Variants in DOCK10 observed in about 807,000 individuals in gnomAD.
DOCK10 encodes the protein dedicator of cytokinesis protein 10.
In DOCK10, 145 loss-of-function variants were observed where a neutral mutation model predicts 280.1. The ratio of observed to expected loss-of-function variants is 0.52; its 90% CI spans 0.45 to 0.59. The LOEUF is 0.59. DOCK10 is among the 20% of genes least tolerant of loss of function. The pLI, the probability that DOCK10 is intolerant of heterozygous loss-of-function variation, is 0.00. For synonymous variants in DOCK10, 915 were observed against 942.2 expected (o/e 0.97, Z 0.53); for missense variants, 2,368 against 2,651.7 (o/e 0.89, Z 2.35).
chr2:224,833,311 T>C (rs1695364415), intron 26 of DOCK10, among the ~76,000 whole-genome samples: 1 of 151,856 alleles, frequency 6.6e-6, no homozygotes, highest in South Asian at 2.1e-4. Flanking sequence ...GACTTCATCG[T>C]CCATCTTTTT....
intron 53 of DOCK10, among the ~76,000 whole-genome samples, chr2:224,771,084 C>G (rs1690411162): frequency 6.6e-6 from 1 of 152,022 alleles, no homozygotes; most frequent in African/African-American, 2.4e-5. Flanking sequence ...GTGTTTACTA[C>G]CATGCCTGGC....
chr2:224,987,820 C>A (rs2126265425), intron 1 of DOCK10, among the ~76,000 whole-genome samples: 1 of 152,246 alleles, frequency 6.6e-6, no homozygotes, highest in Admixed American at 6.5e-5. Flanking sequence ...ATGGACTGAG[C>A]ATCCTGGTTC....
chr2:224,877,626 A>G (rs1442482677), intron 7 of DOCK10, among the ~76,000 whole-genome samples: 1 of 152,236 alleles, frequency 6.6e-6, no homozygotes, highest in Non-Finnish European at 1.5e-5. Context: ...ATGAGTAGGT[A>G]CTTTAGATTG....
chr2:224,942,942 T>G (rs780111611), intron 1 of DOCK10, among the ~76,000 whole-genome samples: 12 of 152,210 alleles, frequency 7.9e-5, no homozygotes, highest in Admixed American at 4.6e-4. Context: ...ATGATTGATA[T>G]AGTAATTCAA....
chr2:224,904,450 C>T (rs142812085), intron 3 of DOCK10, among the ~76,000 whole-genome samples: 2,212 of 152,196 alleles, frequency 0.015, 21 homozygotes, highest in Middle Eastern at 0.024. Flanking sequence ...TTTGTGGTTT[C>T]ATTTTTTTCT....
chr2:224,888,812 G>A (rs1485618785), intron 4 of DOCK10, among the ~76,000 whole-genome samples: 1 of 139,750 alleles, frequency 7.2e-6, no homozygotes, highest in African/African-American at 3.1e-5. Context: ...GAATATATAT[G>A]TGTGTATGTA....
Position 224,786,089 on chromosome 2 carries a change from G to A in DOCK10, c.5655+933C>T, listed in dbSNP as rs191612292. On this transcript the variant is annotated intron_variant, in intron 50 of 55. Transcript: ENST00000258390. This position sits in a 1 kb window ranked among gnomAD's most constrained non-coding sequence, Gnocchi z 4.7. ...CACCTGCCTGTAATCCCAGCTACTCGGGAGGCTGAGGCAGGAGAATTGCTT... is the reference window on the plus strand; with the variant it reads ...CACCTGCCTGTAATCCCAGCTACTCAGGAGGCTGAGGCAGGAGAATTGCTT... Among the ~76,000 whole-genome samples the A allele has an allele frequency of 3.9e-3, 599 of 152,180 alleles. 2 individuals are homozygous for A. The highest frequency in any genetic ancestry group is 0.013 in the African/African-American group (550 of 41,530).
Position 224,787,286 on chromosome 2 carries a change from G to A in DOCK10, c.5530C>T (p.Arg1844Ter), listed in dbSNP as rs747714016. 2 of 1,613,892 alleles carry A rather than the reference G, an allele frequency of 1.2e-6. No homozygotes were observed. The highest frequency in any genetic ancestry group is 1.7e-6 in the Non-Finnish European group (2 of 1,179,858). ...GTTGGAATACATACTTTGAAGTCTC[G>A]TTGTTTCTCAAAGACAGCAATGATG... ...KPIIAVFEKQ[R>*]DFKKLSDLYY... Residue 1844 changes from arginine (R) to a stop codon, truncating the protein, a stop_gained, in exon 49 of 56, where the codon CGA (arginine) becomes TGA (stop). Transcript: ENST00000258390. LOFTEE classifies it high-confidence loss of function.
At chr2:224,927,758 T>C (rs773598224) in intron 2 of DOCK10, among the ~76,000 whole-genome samples, 1 of 152,184 alleles carries the variant, frequency 6.6e-6, no homozygotes, top group Non-Finnish European at 1.5e-5. Context: ...TGCTGTTCTA[T>C]ATTCAGCAGC....
chr2:224,770,087 G>T lies in DOCK10; in HGVS notation c.6444+124C>A. 1 of 1,154,484 alleles carries T rather than the reference G, an allele frequency of 8.7e-7. No homozygotes were observed. Among genetic ancestry groups the T allele is most frequent in the Non-Finnish European group, 1.2e-6 (1 of 862,190 alleles). 71.5% of individuals were successfully genotyped at this position (1,154,484 alleles called of 1,614,324 possible). The stretch of plus-strand genomic sequence containing the variant: ...TGTGCACGGGAGAGAGAACAGATCA[G>T]CAACATGGTGCTGATGCAGTGATTT... On this transcript the variant is annotated intron_variant, in intron 55 of 55. Transcript: ENST00000258390. This position sits in a 1 kb window ranked among gnomAD's most constrained non-coding sequence, Gnocchi z 4.5.
Position 224,789,363 on chromosome 2 carries a change from A to G in DOCK10, c.5312-193T>C, listed in dbSNP as rs142698214. On this transcript the variant is annotated intron_variant, in intron 47 of 55. Transcript: ENST00000258390. ...ATATTCCCCTTTTTATAATTTTTGT[A>G]TCATTTTCAGGTGGCATTTTTTATA... Among the ~76,000 whole-genome samples the G allele has an allele frequency of 1.3e-3, 195 of 152,276 alleles. 2 individuals carry two copies. In the East Asian group the frequency reaches 0.029, roughly 22 times the overall value.
intron 48 of DOCK10, among the ~76,000 whole-genome samples, chr2:224,788,380 G>T (rs1252723074): frequency 1.3e-5 from 2 of 151,928 alleles, no homozygotes; most frequent in Non-Finnish European, 2.9e-5. Context: ...TTAAGAAAAG[G>T]TTCTTAAACA....
chr2:224,867,503 G>T (rs1698008336), intron 11 of DOCK10, among the ~76,000 whole-genome samples: 1 of 152,016 alleles, frequency 6.6e-6, no homozygotes, highest in Admixed American at 6.6e-5. Flanking sequence ...TTAACCTCTT[G>T]CCCCCAGGCT....
chr2:224,899,704 A>T (rs971814778), intron 3 of DOCK10, among the ~76,000 whole-genome samples: 3 of 152,266 alleles, frequency 2.0e-5, no homozygotes, highest in Admixed American at 2.0e-4. Context: ...TAGAAAAAAA[A>T]TGCCCCAGAG....
In DOCK10 at chr2:224,796,315, C is replaced by G; in HGVS notation, c.4938+1G>C. 1 of 1,543,414 alleles carries G rather than the reference C, an allele frequency of 6.5e-7. No individual in the cohort carries two copies. Among genetic ancestry groups the G allele is most frequent in the Admixed American group, 2.0e-5 (1 of 51,240 alleles). ...GTAAAAGCCCACAAAGCATTTCTTACTTTCATTTGCTTATCTCCATTGGCG... is the reference window on the plus strand; with the variant it reads ...GTAAAAGCCCACAAAGCATTTCTTAGTTTCATTTGCTTATCTCCATTGGCG... On this transcript the variant is annotated splice_donor_variant, in intron 44 of 55. Coordinates refer to ENST00000258390, the MANE Select transcript of DOCK10 (RefSeq NM_014689.3). LOFTEE classifies it high-confidence loss of function.
intron 3 of DOCK10, among the ~76,000 whole-genome samples, chr2:224,900,444 A>G (rs559073958): frequency 2.6e-5 from 4 of 152,342 alleles, no homozygotes; most frequent in Admixed American, 6.5e-5. Context: ...CCTAGGCCCC[A>G]TAGGTGGTAG....
At chr2:224,873,754 T>C (rs1170567774) in intron 11 of DOCK10, among the ~76,000 whole-genome samples, 1 of 152,146 alleles carries the variant, frequency 6.6e-6, no homozygotes, top group Admixed American at 6.5e-5. Flanking sequence ...TTTATGGCAG[T>C]ATATTGATAA....
At chr2:224,784,720 A>T in intron 50 of DOCK10, 1 of 1,289,792 alleles carries the variant, frequency 7.8e-7, no homozygotes, top group Non-Finnish European at 1.0e-6. Context: ...GGAGAGCGAG[A>T]GTGAGTGAGA....
Position 224,773,243 on chromosome 2 carries a change from C to T in DOCK10, c.6118G>A (p.Val2040Ile). Residue 2040 changes from valine to isoleucine, a missense_variant, in exon 53 of 56, where the codon GTT becomes ATT. Around this residue, in one of 2 missense-constraint regions of DOCK10, gnomAD observed 1,159 missense variants for 1,400.8 expected, o/e 0.83. Coordinates refer to ENST00000258390, the MANE Select transcript of DOCK10 (RefSeq NM_014689.3). ...GTGCAAAGCTGATTAAGCTCAGAAA[C>T]CTTCTTGGACATCTCGTCAATTGCC... is the stretch of plus-strand genomic sequence containing the variant. ...EVAIDEMSKK[V>I]SELNQLCTME... 2 of 1,613,978 alleles carry T rather than the reference C, an allele frequency of 1.2e-6. No individual in the cohort carries two copies. The highest frequency in any genetic ancestry group is 1.7e-6 in the Non-Finnish European group (2 of 1,179,878).
Sources: allele counts gnomAD v4.1 joint callset (sites outside exome capture counted in the v4.1 genomes callset), GRCh38; gene constraint gnomAD v4.1.1; regional missense constraint gnomAD v4.1.1; non-coding constraint Gnocchi (gnomAD v3.1); transcripts MANE v1.5; gene names NCBI Gene and HGNC (gene_info 2026-07-23, HGNC 2026-07-21).